Variants in TEK observed in about 807,000 individuals in gnomAD.
The protein encoded by TEK is TEK receptor tyrosine kinase.
Under a neutral mutation model 131.8 loss-of-function variants are expected in TEK, and 43 were observed. That is an observed-to-expected ratio of 0.33 (90% CI 0.26 to 0.42). The LOEUF (loss-of-function observed/expected upper bound fraction) is 0.42, where lower values mean the gene tolerates loss of function less well. Ranked by LOEUF, TEK falls within the 10% of genes least tolerant of loss-of-function variation. The pLI is 1.00. For synonymous variants in TEK, 580 were observed against 491.6 expected (o/e 1.18, Z -2.38); for missense variants, 1,162 against 1,384.4 (o/e 0.84, Z 2.55).
chr9:27,196,703 G>A (rs1416543375), intron 11 of TEK, among the ~76,000 whole-genome samples: 1 of 151,690 alleles, frequency 6.6e-6, no homozygotes, highest in Non-Finnish European at 1.5e-5. Flanking sequence ...CAAAGTGGGA[G>A]CAGGCACTTT....
chr9:27,111,169 C>G (rs1169212740), intron 1 of TEK, among the ~76,000 whole-genome samples: 1 of 152,112 alleles, frequency 6.6e-6, no homozygotes, highest in Non-Finnish European at 1.5e-5. Context: ...AATACTTGTT[C>G]CATGTCTAGA....
At chr9:27,162,200 A>G (rs1823571002) in intron 2 of TEK, among the ~76,000 whole-genome samples, 1 of 152,220 alleles carries the variant, frequency 6.6e-6, no homozygotes, top group Non-Finnish European at 1.5e-5. Flanking sequence ...TCGTTATTAA[A>G]ACATCATGGA....
chr9:27,192,464 T>C, intron 10 of TEK, 25 bp from the exon 11 acceptor site: 1 of 1,613,644 alleles, frequency 6.2e-7, no homozygotes, highest in South Asian at 1.1e-5. Context: ...CCAACTTAAG[T>C]TTCCTGGACG....
chr9:27,143,873 G>T (rs775971203), intron 1 of TEK, among the ~76,000 whole-genome samples: 4 of 152,210 alleles, frequency 2.6e-5, no homozygotes, highest in Non-Finnish European at 5.9e-5. Context: ...AGGTTTCCCA[G>T]GGTAGAGGAA....
At chr9:27,121,445 TA>T (rs1248058798) in intron 1 of TEK, among the ~76,000 whole-genome samples, 1 of 150,140 alleles carries the variant, frequency 6.7e-6, no homozygotes, top group African/African-American at 2.4e-5. Context: ...ATATATTTCA[TA>T]AATAAATTTT....
intron 18 of TEK, among the ~76,000 whole-genome samples, chr9:27,216,229 G>A (rs1033826440): frequency 1.4e-4 from 21 of 152,138 alleles, no homozygotes; most frequent in African/African-American, 5.1e-4. Flanking sequence ...TGATCATCCT[G>A]ACTACAGGGT....
At position 27,212,880 on chromosome 9, in the gene TEK, T is replaced by C. The variant is rs1173801085; in HGVS notation, c.2860T>C (p.Tyr954His). The change falls in exon 17 of 23, where the codon TAC becomes CAC. Residue 954 changes from tyrosine to histidine, a missense_variant. By Grantham distance (83) the Tyr-to-His change is moderately conservative. Around this residue, in one of 6 missense-constraint regions of TEK, gnomAD observed 107 missense variants for 173.9 expected, o/e 0.62. Coordinates refer to ENST00000380036, the MANE Select transcript of TEK (RefSeq NM_000459.5). ...FAADVARGMD[Y>H]LSQKQFIHRD... ...TGCCGACGTGGCCCGGGGCATGGAC[T>C]ACTTGAGCCAAAAACAGGTTTGTCC... 1.9e-6 allele frequency: 3 copies of C among 1,613,982 alleles called. No homozygotes were observed. The highest frequency in any genetic ancestry group is 2.5e-6 in the Non-Finnish European group (3 of 1,179,956).
At chr9:27,206,288 G>T (rs1349320508) in intron 14 of TEK, among the ~76,000 whole-genome samples, 1 of 152,064 alleles carries the variant, frequency 6.6e-6, no homozygotes, top group Non-Finnish European at 1.5e-5. Context: ...TACAACTAAC[G>T]CAAGGATGGC....
chr9:27,228,210 G>A lies in TEK; in HGVS notation c.3205G>A (p.Asp1069Asn). ...KPLNCDDEVY[D>N]LMRQCWREKP... is the part of the protein sequence containing the mutation. ...TTTAATTCTTTGCTTTCGAAGGTAT[G>A]ATCTAATGAGACAATGCTGGCGGGA... Residue 1069 changes from aspartate to asparagine, a missense_variant, in exon 22 of 23, where the codon GAT (aspartate) becomes AAT (asparagine). Coordinates refer to ENST00000380036, the MANE Select transcript of TEK (RefSeq NM_000459.5). The A allele has an allele frequency of 6.8e-6, 11 of 1,612,332 alleles. No individual in the cohort carries two copies. The highest frequency in any genetic ancestry group is 1.1e-5 in the South Asian group (1 of 91,028).
intron 21 of TEK, among the ~76,000 whole-genome samples, chr9:27,220,564 C>A (rs544691199): frequency 6.6e-6 from 1 of 152,180 alleles, no homozygotes; most frequent in East Asian, 1.9e-4. Flanking sequence ...GTGAGATCAA[C>A]GCAGAAGGCA....
At chr9:27,200,175 C>G (rs980843800) in intron 12 of TEK, among the ~76,000 whole-genome samples, 3 of 152,150 alleles carry the variant, frequency 2.0e-5, no homozygotes, top group Non-Finnish European at 4.4e-5. Flanking sequence ...CATTTTGCAT[C>G]TATTTCTGGA....
Position 27,229,172 on chromosome 9 carries a change from C to T in TEK, c.3315C>T (p.Thr1105=), listed in dbSNP as rs148842789. 783 of 1,613,780 alleles carry T rather than the reference C, an allele frequency of 4.9e-4. 8 individuals are homozygous for T. The East Asian group carries it at 0.016, about 33-fold the overall frequency. The change falls in exon 23 of 23, where the codon ACC becomes ACT. Residue 1105 remains threonine, a synonymous_variant. Transcript: ENST00000380036. ...CATTCTTCCAGACCTACGTGAATAC[C>T]ACGCTTTATGAGAAGTTTACTTATG... ...MLEERKTYVN[T]TLYEKFTYAG... is the part of the protein sequence containing the mutation.
intron 18 of TEK, among the ~76,000 whole-genome samples, chr9:27,216,902 A>C (rs1459235778): frequency 6.6e-6 from 1 of 152,178 alleles, no homozygotes; most frequent in Non-Finnish European, 1.5e-5. Context: ...CTCAATGACC[A>C]ACCCTATGAT....
At chr9:27,185,859 G>A (rs770346209) in intron 9 of TEK, among the ~76,000 whole-genome samples, 5 of 152,150 alleles carry the variant, frequency 3.3e-5, no homozygotes, top group Non-Finnish European at 7.4e-5. Flanking sequence ...TCATAATCTT[G>A]TGGGTGGCCT....
At chr9:27,193,493 C>T (rs1006687283) in intron 11 of TEK, among the ~76,000 whole-genome samples, 11 of 152,112 alleles carry the variant, frequency 7.2e-5, no homozygotes, top group South Asian at 2.1e-4. Flanking sequence ...CCTTCTATTG[C>T]GTTAATTAAC....
chr9:27,163,824 C>T (rs1445663681), intron 2 of TEK, among the ~76,000 whole-genome samples: 2 of 152,182 alleles, frequency 1.3e-5, no homozygotes, highest in East Asian at 1.9e-4. Flanking sequence ...AGTACTTACA[C>T]AACAATTAAA....
rs1334811 is a variant in TEK, at chr9:27,190,657, G to A, written c.1456G>A (p.Val486Ile). ...IKSKKLLYKP[V>I]NHYEAWQHIQ... ...ATCCAAGAAGCTTCTATACAAACCC[G>A]TTAATCACTATGAGGCTTGGCAACA... is the stretch of plus-strand genomic sequence containing the variant. Residue 486 changes from valine to isoleucine, a missense_variant, in exon 10 of 23, where the codon GTT becomes ATT. Val to Ile is a conservative substitution (Grantham distance 29, BLOSUM62 3). This residue lies in a region of TEK where 477 missense variants were observed against 471.0 expected (regional missense o/e 1.01). Transcript: ENST00000380036. The A allele has an allele frequency of 0.048, 77,618 of 1,613,842 alleles. 2,771 individuals are homozygous for A. The highest frequency in any genetic ancestry group is 0.13 in the African/African-American group (9,588 of 74,966).
At chr9:27,215,626 A>C (rs1048015469) in intron 18 of TEK, among the ~76,000 whole-genome samples, 21 of 150,102 alleles carry the variant, frequency 1.4e-4, no homozygotes, top group Non-Finnish European at 2.4e-4. Context: ...GCAAACTACT[A>C]TACTAAGCAA....
intron 16 of TEK, 30 bp downstream of exon 16, chr9:27,209,261 C>T: frequency 2.0e-6 from 3 of 1,484,908 alleles, no homozygotes; most frequent in East Asian, 2.3e-5. Context: ...TCTTTCCTGC[C>T]AGAGTTTTTA....
Sources: gnomAD v4.1 joint callset for allele counts (sites outside exome capture counted in the v4.1 genomes callset) on GRCh38, gnomAD v4.1.1 for gene constraint, gnomAD v4.1.1 regional missense constraint, MANE v1.5 for transcripts, NCBI Gene and HGNC (gene_info 2026-07-23, HGNC 2026-07-21) for gene names.